Variants in COTL1 observed in about 807,000 individuals in gnomAD.
COTL1 encodes the protein coactosin-like protein.
A neutral mutation model predicts 16.5 loss-of-function variants in COTL1; 15 were observed. That is an observed-to-expected ratio of 0.91 (90% confidence interval 0.61 to 1.40). The LOEUF (loss-of-function observed/expected upper bound fraction) is 1.40, where lower values mean the gene tolerates loss of function less well. Ranked by LOEUF, COTL1 falls within the 40% of genes most tolerant of loss-of-function variation. The pLI is 0.00. For missense variants in COTL1, 220 were observed against 201.5 expected (o/e 1.09, Z -0.56); for synonymous variants, 112 against 85.3 (o/e 1.31, Z -1.73).
intron 2 of COTL1, among the ~76,000 whole-genome samples, chr16:84,608,062 G>T (rs1240145911): frequency 2.0e-5 from 3 of 151,982 alleles, no homozygotes; most frequent in Non-Finnish European, 4.4e-5. Context: ...ATGCTGGAGG[G>T]AGGTAAAGTG....
At chr16:84,605,250 G>T (rs1232543568) in intron 2 of COTL1, among the ~76,000 whole-genome samples, 1 of 152,218 alleles carries the variant, frequency 6.6e-6, no homozygotes, top group African/African-American at 2.4e-5. Context: ...GGTGCAGGGG[G>T]TGTCAGGAGT....
intron 1 of COTL1, 95 bp from the exon 2 acceptor site, chr16:84,617,678 G>T: frequency 7.0e-7 from 1 of 1,420,546 alleles, no homozygotes; most frequent in Non-Finnish European, 9.7e-7. Context: ...AGACGCGCTG[G>T]CCACGGAGAA....
chr16:84,617,318 A>T (rs936689241), intron 2 of COTL1, among the ~76,000 whole-genome samples, 183 bp downstream of exon 2: 5 of 152,152 alleles, frequency 3.3e-5, no homozygotes, highest in Middle Eastern at 3.2e-3. Context: ...GTTGCTTCGG[A>T]TGTCCAGAGG....
At position 84,618,031 on chromosome 16, in the gene COTL1, A is replaced by G. The variant is rs2150700409; in HGVS notation, c.-117T>C. The G allele has an allele frequency of 2.1e-6, 1 of 473,122 alleles. No individual in the cohort carries two copies. The highest frequency in any genetic ancestry group is 2.9e-6 in the Non-Finnish European group (1 of 343,410). 29.3% of individuals were successfully genotyped at this position (473,122 alleles called of 1,614,324 possible). On this transcript the variant is annotated 5_prime_UTR_variant, in exon 1 of 4. Transcript: ENST00000262428. The stretch of plus-strand genomic sequence containing the variant: ...GGCGCACGGGCTGGCGGCGGTGGCG[A>G]CGGCTACGCGGCGCCTGCAAGCTGC...
At chr16:84,577,842 T>G (rs745860545) in intron 3 of COTL1, among the ~76,000 whole-genome samples, 9 of 152,108 alleles carry the variant, frequency 5.9e-5, no homozygotes, top group Non-Finnish European at 8.8e-5. Flanking sequence ...CAAAACCAAA[T>G]AGAGGCGGCT....
intron 2 of COTL1, 56 bp downstream of exon 2, chr16:84,617,445 G>A (rs1181397654): frequency 3.5e-5 from 52 of 1,501,298 alleles, no homozygotes; most frequent in Non-Finnish European, 4.4e-5. Context: ...GGGGCTCCCC[G>A]GGTGCAGACA....
At chr16:84,613,287 A>G (rs1905381108) in intron 2 of COTL1, among the ~76,000 whole-genome samples, 1 of 152,166 alleles carries the variant, frequency 6.6e-6, no homozygotes, top group Non-Finnish European at 1.5e-5. Context: ...GGCATGAGCC[A>G]CGGCGCCCGG....
At chr16:84,610,610 T>C (rs991625076) in intron 2 of COTL1, among the ~76,000 whole-genome samples, 1 of 152,032 alleles carries the variant, frequency 6.6e-6, no homozygotes. Context: ...AGCAGAAGAG[T>C]GGCTTGCTCT....
At position 84,586,462 on chromosome 16, in the gene COTL1, G is replaced by C. The variant is rs142788506; in HGVS notation, c.318+3643C>G. On this transcript the variant is annotated intron_variant, in intron 3 of 3. Transcript: ENST00000262428. ...CTGCAGACTGCCTTAGTGGGTATGA[G>C]GTTTCCTTTGGGGGTGATGAGAAAG... Among the ~76,000 whole-genome samples the C allele has an allele frequency of 4.4e-3, 672 of 152,248 alleles. 1 individual carries two copies. Among genetic ancestry groups the C allele is most frequent in the South Asian group, 7.7e-3 (37 of 4,826 alleles).
chr16:84,617,580 C>A lies in COTL1; in HGVS notation c.81G>T (p.Val27=). ...TGGTGGAGCCGTCATATTTAAAAGT[C>A]ACCCTTTGGGTTGGGAGAAGAAAAA... ...VRDDGSAVIW[V]TFKYDGSTIV... The change falls in exon 2 of 4, where the codon GTG becomes GTT. Residue 27 remains valine (V), a synonymous_variant. Transcript: ENST00000262428. The A allele has an allele frequency of 1.3e-6, 2 of 1,555,012 alleles. No homozygotes were observed. The highest frequency in any genetic ancestry group is 1.9e-5 in the Admixed American group (1 of 51,372).
intron 2 of COTL1, among the ~76,000 whole-genome samples, chr16:84,609,683 G>T (rs947036327): frequency 2.0e-5 from 3 of 152,164 alleles, no homozygotes; most frequent in African/African-American, 7.2e-5. Context: ...GGCAGGACGG[G>T]GTGGAGATAA....
Position 84,617,994 on chromosome 16 carries a change from G to C in COTL1, c.-80C>G, listed in dbSNP as rs1443889657. 3 of 1,037,850 alleles carry C rather than the reference G, an allele frequency of 2.9e-6. No individual in the cohort carries two copies. Among genetic ancestry groups the C allele is most frequent in the Admixed American group, 4.5e-5 (1 of 22,210 alleles). 64.3% of individuals were successfully genotyped at this position (1,037,850 alleles called of 1,614,324 possible). On this transcript the variant is annotated 5_prime_UTR_variant, in exon 1 of 4. Transcript: ENST00000262428. Reference sequence around the variant, plus strand: ...GGCGGCGGGGATGGGAGCGCGGCGGGTACGCGCCGAGGGCGCACGGGCTGG... The same window carrying C: ...GGCGGCGGGGATGGGAGCGCGGCGGCTACGCGCCGAGGGCGCACGGGCTGG...
At chr16:84,599,049 T>A (rs1274165279) in intron 2 of COTL1, among the ~76,000 whole-genome samples, 2 of 152,014 alleles carry the variant, frequency 1.3e-5, no homozygotes, top group Non-Finnish European at 2.9e-5. Flanking sequence ...AAACGGCATA[T>A]GGTCCCCACT....
chr16:84,595,357 C>T (rs922228481), intron 2 of COTL1: 2 of 152,370 alleles, frequency 1.3e-5, no homozygotes, highest in East Asian at 1.9e-4. Flanking sequence ...TCTGGCACGA[C>T]AGTGACGGGT....
chr16:84,567,089 G>T, intron 3 of COTL1, 134 bp from the exon 4 acceptor site: 1 of 619,484 alleles, frequency 1.6e-6, no homozygotes, highest in Non-Finnish European at 2.9e-6. Flanking sequence ...TTCAGCAGCA[G>T]AGTCAGTCAA....
chr16:84,567,181 G>A (rs1269746998), intron 3 of COTL1: 1 of 486,206 alleles, frequency 2.1e-6, no homozygotes, highest in Admixed American at 3.3e-5. Context: ...GAGGGAGTGG[G>A]GCAGATCTGA....
chr16:84,598,802 G>A (rs1293006748), intron 2 of COTL1, among the ~76,000 whole-genome samples: 11 of 148,946 alleles, frequency 7.4e-5, no homozygotes, highest in South Asian at 4.3e-4. Context: ...AAGTGGGGGC[G>A]GCGGGGACCA....
chr16:84,612,217 T>A (rs545694896), intron 2 of COTL1, among the ~76,000 whole-genome samples: 2 of 152,196 alleles, frequency 1.3e-5, no homozygotes, highest in Middle Eastern at 3.2e-3. Flanking sequence ...GGTTACCAGA[T>A]GGGTAACTCA....
intron 2 of COTL1, among the ~76,000 whole-genome samples, chr16:84,598,650 C>A (rs1714377098): frequency 2.3e-5 from 1 of 43,878 alleles, no homozygotes; most frequent in Non-Finnish European, 6.5e-5. Flanking sequence ...TCCCCTTCTC[C>A]CCCCCAACCC....
Sources: allele counts gnomAD v4.1 joint callset (sites outside exome capture counted in the v4.1 genomes callset), GRCh38; gene constraint gnomAD v4.1.1; transcripts MANE v1.5; gene names NCBI Gene and HGNC (gene_info 2026-07-23, HGNC 2026-07-21).